The following TXNDC11 variants were observed in gnomAD, a reference collection of about 807,000 sequenced individuals.
TXNDC11 encodes the protein thioredoxin domain-containing protein 11.
A neutral mutation model predicts 78.0 loss-of-function variants in TXNDC11; 68 were observed. That is an observed-to-expected ratio of 0.87 (90% CI 0.72 to 1.07). The LOEUF is 1.07. TXNDC11 is among the 50% of genes least tolerant of loss of function. TXNDC11 has a pLI of 0.00. For synonymous variants in TXNDC11, 571 were observed against 495.2 expected (o/e 1.15, Z -2.03); for missense variants, 1,389 against 1,221.8 (o/e 1.14, Z -2.04).
intron 11 of TXNDC11, among the ~76,000 whole-genome samples, chr16:11,682,736 T>C (rs2050456701): frequency 6.6e-6 from 1 of 152,174 alleles, no homozygotes; most frequent in South Asian, 2.1e-4. Context: ...TATGTGGTAA[T>C]TTAAACACTT....
Position 11,742,677 on chromosome 16 carries a change from C to G in TXNDC11, c.54G>C (p.Glu18Asp), listed in dbSNP as rs1388381341. The change falls in exon 1 of 12, where the codon GAG becomes GAC. Residue 18 changes from glutamate to aspartate, a missense_variant. Transcript: ENST00000283033. Reference sequence around the variant, plus strand: ...GGCCGCCGCCGCCCCCTCCCTCGTCCTCGGCGTCCTCGCTGCTGCTGCTGC... The same window carrying G: ...GGCCGCCGCCGCCCCCTCCCTCGTCGTCGGCGTCCTCGCTGCTGCTGCTGC... ...GGGSSSSEDA[E>D]DEGGGGGGPA... 6 of 1,470,566 alleles carry G rather than the reference C, an allele frequency of 4.1e-6. No homozygotes were observed. The South Asian group carries it at 7.8e-5, about 19-fold the overall frequency. 91.1% of individuals were successfully genotyped at this position (1,470,566 alleles called of 1,614,324 possible).
At chr16:11,725,706 A>G in intron 4 of TXNDC11, among the ~76,000 whole-genome samples, 1 of 152,230 alleles carries the variant, frequency 6.6e-6, no homozygotes, top group Non-Finnish European at 1.5e-5. Context: ...ACTGAAGAGC[A>G]CTTCACCATG....
intron 5 of TXNDC11, among the ~76,000 whole-genome samples, chr16:11,712,929 A>ACAC (rs2051404476): frequency 7.0e-6 from 1 of 141,982 alleles, no homozygotes; most frequent in African/African-American, 2.6e-5. Flanking sequence ...TTCCACTTAA[A>ACAC]ACACACACAC....
intron 11 of TXNDC11, among the ~76,000 whole-genome samples, chr16:11,682,070 C>A (rs924836151): frequency 6.6e-6 from 1 of 152,232 alleles, no homozygotes; most frequent in African/African-American, 2.4e-5. Context: ...AGTAAATATA[C>A]AATTTCATAT....
At chr16:11,718,828 A>C (rs1183666419) in intron 5 of TXNDC11, among the ~76,000 whole-genome samples, 7 of 152,242 alleles carry the variant, frequency 4.6e-5, no homozygotes, top group Non-Finnish European at 1.0e-4. Context: ...AAAGTAAATC[A>C]GACCACATTT....
intron 7 of TXNDC11, among the ~76,000 whole-genome samples, chr16:11,695,198 A>C (rs2050827169): frequency 6.6e-6 from 1 of 152,060 alleles, no homozygotes; most frequent in Non-Finnish European, 1.5e-5. Flanking sequence ...CGCCAGTGTC[A>C]GGATCTGTAC....
At chr16:11,708,026 G>A (rs115532511) in intron 5 of TXNDC11, among the ~76,000 whole-genome samples, 2 of 152,136 alleles carry the variant, frequency 1.3e-5, no homozygotes, top group African/African-American at 2.4e-5. Context: ...CAAGGCCGCA[G>A]TGAGCTATAA....
At position 11,693,569 on chromosome 16, in the gene TXNDC11, G is replaced by A. The variant is rs918418941; in HGVS notation, c.1108-1487C>T. ...AATAAAAATAAAAAAGTTTTATAAC[G>A]TAATATTTATAGTTAATTCAAAACA... On this transcript the variant is annotated intron_variant, in intron 7 of 11. Coordinates refer to ENST00000283033, the MANE Select transcript of TXNDC11 (RefSeq NM_015914.7). Among the ~76,000 whole-genome samples the A allele has an allele frequency of 8.5e-5, 13 of 152,048 alleles. No individual in the cohort carries two copies. In the South Asian group the frequency reaches 1.2e-3, roughly 15 times the overall value.
chr16:11,735,925 C>G, intron 2 of TXNDC11, 92 bp downstream of exon 2: 1 of 1,261,808 alleles, frequency 7.9e-7, no homozygotes, highest in Non-Finnish European at 1.1e-6. Context: ...TTGGCAAAGT[C>G]TGCCCGTTGG....
At chr16:11,713,110 GAAAA>G (rs35333554) in intron 5 of TXNDC11, among the ~76,000 whole-genome samples, 5,276 of 111,768 alleles carry the variant, frequency 0.047, 419 homozygotes, top group African/African-American at 0.16. Context: ...TCTGTCTCAG[GAAAA>G]AAAAAAAAAA....
In TXNDC11 at chr16:11,679,580, G is replaced by A. The variant is rs757576941; in HGVS notation, c.2492C>T (p.Ala831Val). ...QVQVESQLSS[A>V]RRDEHRLRQQ... ...CCGCAGCCGGTGCTCATCTCTGCGG[G>A]CACTGGAGAGCTGGGACTCCACCTG... The change falls in exon 12 of 12, where the codon GCC becomes GTC. Residue 831 changes from alanine (A) to valine (V), a missense_variant. Coordinates refer to ENST00000283033, the MANE Select transcript of TXNDC11 (RefSeq NM_015914.7). The surrounding 1 kb of genome is among the most constrained non-coding windows in gnomAD (Gnocchi z 4.6). The A allele has an allele frequency of 8.1e-6, 13 of 1,613,920 alleles. No homozygotes were observed. The highest frequency in any genetic ancestry group is 2.2e-5 in the East Asian group (1 of 44,902).
Position 11,742,797 on chromosome 16 carries a change from C to T in TXNDC11, c.-67G>A, listed in dbSNP as rs1305843250. The stretch of plus-strand genomic sequence containing the variant: ...TCGGGCCCGAAGGCCCGGCCCGGCC[C>T]GTTGCTCCCCAATCCCGCAGCTCGC... On this transcript the variant is annotated 5_prime_UTR_variant, in exon 1 of 12. Coordinates refer to ENST00000283033, the MANE Select transcript of TXNDC11 (RefSeq NM_015914.7). The T allele has an allele frequency of 4.3e-6, 6 of 1,391,272 alleles. No individual in the cohort carries two copies. The highest frequency in any genetic ancestry group is 6.0e-5 in the Admixed American group (2 of 33,168). 86.2% of individuals were successfully genotyped at this position (1,391,272 alleles called of 1,614,324 possible).
chr16:11,732,328 A>G (rs1017475371), intron 3 of TXNDC11, among the ~76,000 whole-genome samples: 1 of 152,186 alleles, frequency 6.6e-6, no homozygotes, highest in African/African-American at 2.4e-5. Context: ...ACCTCTGAGC[A>G]GTCTGAAAGG....
Position 11,736,035 on chromosome 16 carries a change from T to A in TXNDC11, c.453A>T (p.Ala151=), listed in dbSNP as rs752127630. ...GCATTACCTGATCTGAAAGCCGACTTGCTGCTTGCTCAATTTCTGCCCTGG... is the reference window on the plus strand; with the variant it reads ...GCATTACCTGATCTGAAAGCCGACTAGCTGCTTGCTCAATTTCTGCCCTGG... ...IAARAEIEQA[A]SRLSDQVLFV... is the part of the protein sequence containing the mutation. The change falls in exon 2 of 12, where the codon GCA becomes GCT. Residue 151 remains alanine (A), a synonymous_variant. Transcript: ENST00000283033. The A allele has an allele frequency of 6.2e-7, 1 of 1,614,070 alleles. No individual in the cohort carries two copies. Among genetic ancestry groups the A allele is most frequent in the South Asian group, 1.1e-5 (1 of 91,078 alleles).
chr16:11,683,078 A>G (rs2050469318), intron 11 of TXNDC11, among the ~76,000 whole-genome samples: 1 of 152,218 alleles, frequency 6.6e-6, no homozygotes, highest in South Asian at 2.1e-4. Context: ...TGGGTCCCCA[A>G]AAGGACTCAA....
chr16:11,742,571 C>T lies in TXNDC11; in HGVS notation c.160G>A (p.Gly54Ser). ...CGCTGGCGCGCCATGAGGAAGGCGC[C>T]ACGCAGCCCGCGACGGAGCCGGCCC... ...SAGRLRRGLR[G>S]AFLMARQRPE... The change falls in exon 1 of 12, where the codon GGC becomes AGC. Residue 54 changes from glycine to serine, a missense_variant. By Grantham distance (56) the Gly-to-Ser change is moderately conservative (BLOSUM62 0). Transcript: ENST00000283033. 6.9e-7 allele frequency: 1 copy of T among 1,457,746 alleles called. No homozygotes were observed. The highest frequency in any genetic ancestry group is 9.0e-7 in the Non-Finnish European group (1 of 1,111,216). The allele number at this position is 1,457,746 out of a possible 1,614,324, so 90.3% of individuals were successfully genotyped here. A position where few individuals can be genotyped will look rare whatever the true frequency, so the allele number is the denominator to read the frequency against.
chr16:11,726,313 T>G (rs2051875571), intron 4 of TXNDC11, among the ~76,000 whole-genome samples: 1 of 152,094 alleles, frequency 6.6e-6, no homozygotes, highest in African/African-American at 2.4e-5. Context: ...CCGTGTGCGG[T>G]GCCTCACGCC....
At chr16:11,726,606 C>T (rs2051887334) in intron 4 of TXNDC11, among the ~76,000 whole-genome samples, 1 of 149,652 alleles carries the variant, frequency 6.7e-6, no homozygotes, top group African/African-American at 2.5e-5. Context: ...AAAAAATTTC[C>T]ACTCTAAGCA....
chr16:11,679,452 C>G lies in TXNDC11; in HGVS notation c.2620G>C (p.Ala874Pro), dbSNP rs770293707. The G allele has an allele frequency of 2.5e-6, 4 of 1,613,674 alleles. No homozygotes were observed. The South Asian group carries it at 4.4e-5, about 18-fold the overall frequency. Residue 874 changes from alanine (A) to proline (P), a missense_variant, in exon 12 of 12, where the codon GCC (alanine) becomes CCC (proline). Coordinates refer to ENST00000283033, the MANE Select transcript of TXNDC11 (RefSeq NM_015914.7). The surrounding 1 kb of genome is among the most constrained non-coding windows in gnomAD (Gnocchi z 4.6). ...EQKTRELQEL[A>P]RKLQELADAS... ...TCGGCCAGCTCCTGCAGCTTGCGGGCCAGCTCCTGCAGCTCACGTGTCTTC... is the reference window on the plus strand; with the variant it reads ...TCGGCCAGCTCCTGCAGCTTGCGGGGCAGCTCCTGCAGCTCACGTGTCTTC...
Sources: gnomAD v4.1 joint callset for allele counts (sites outside exome capture counted in the v4.1 genomes callset) on GRCh38, gnomAD v4.1.1 for gene constraint, Gnocchi (gnomAD v3.1) non-coding constraint, MANE v1.5 for transcripts, NCBI Gene and HGNC (gene_info 2026-07-23, HGNC 2026-07-21) for gene names.